Variants in CMTR1 observed in about 807,000 individuals in gnomAD.
CMTR1 encodes the protein cap methyltransferase 1.
CMTR1 carries 39 observed loss-of-function variants against 107.0 expected under a neutral mutation model. The observed-to-expected ratio is 0.36, with a 90% CI of 0.28 to 0.48. The LOEUF (loss-of-function observed/expected upper bound fraction) is 0.48. Ranked by LOEUF, CMTR1 falls within the 20% of genes least tolerant of loss-of-function variation. The pLI is 0.99. For missense variants in CMTR1, 672 were observed against 1,064.9 expected (o/e 0.63, Z 5.14); for synonymous variants, 366 against 379.5 (o/e 0.96, Z 0.41).
intron 8 of CMTR1, among the ~76,000 whole-genome samples, chr6:37,456,385 C>T (rs1581739441): frequency 6.6e-6 from 1 of 152,160 alleles, no homozygotes; most frequent in East Asian, 1.9e-4. Flanking sequence ...GGGGAAAGAA[C>T]GATTAAGACC....
intron 13 of CMTR1, among the ~76,000 whole-genome samples, chr6:37,469,331 G>A (rs181427418): frequency 1.7e-4 from 26 of 151,890 alleles, no homozygotes; most frequent in Non-Finnish European, 3.4e-4. Context: ...TATGTCATGT[G>A]TCTTTTTCCC....
chr6:37,477,050 AGTTCCAAAGACAT>A (rs1761753891), intron 20 of CMTR1, among the ~76,000 whole-genome samples: 1 of 152,220 alleles, frequency 6.6e-6, no homozygotes, highest in Non-Finnish European at 1.5e-5. Context: ...CCCCACTAGC[AGTTCCAAAGACAT>A]GTTCAGGGCC....
At chr6:37,428,008 CAGAGAGAGAGAGAGAGAGAGAG>C in the CMTR1 span, among the ~76,000 whole-genome samples, 1,353 of 114,864 alleles carry the variant, frequency 0.012, 27 homozygotes, top group African/African-American at 0.041. Context: ...GCAACAGAGA[CAGAGAGAGAGAGAGAGAGAGAG>C]AGAGAGAGAG....
chr6:37,462,759 G>GGGTTGGGGGAAAA (rs1729909140), intron 12 of CMTR1, 70 bp from the exon 13 acceptor site: 1 of 1,454,076 alleles, frequency 6.9e-7, no homozygotes, highest in South Asian at 1.2e-5. Context: ...ATTCCACAAG[G>GGGTTGGGGGAAAA]GGTTGGGGGA....
upstream of CMTR1, among the ~76,000 whole-genome samples, chr6:37,432,454 G>C (rs910512855): frequency 6.6e-6 from 1 of 152,210 alleles, no homozygotes; most frequent in African/African-American, 2.4e-5. Flanking sequence ...ATTCTGCCGA[G>C]AGGGGGTAAG....
the CMTR1 span, among the ~76,000 whole-genome samples, chr6:37,428,008 CAGAGAGAGAGAGAGAGAGAGAGAGAG>C: frequency 5.2e-5 from 6 of 114,768 alleles, no homozygotes; most frequent in South Asian, 6.9e-4. Flanking sequence ...GCAACAGAGA[CAGAGAGAGAGAGAGAGAGAGAGAGAG>C]AGAGAGAGAG....
intron 2 of CMTR1, among the ~76,000 whole-genome samples, chr6:37,439,758 C>T (rs149448293): frequency 1.8e-4 from 28 of 152,282 alleles, no homozygotes; most frequent in African/African-American, 6.5e-4. Flanking sequence ...TGGCCATTAG[C>T]GGTTGGAGCT....
chr6:37,446,788 G>A (rs556647892), intron 4 of CMTR1, among the ~76,000 whole-genome samples: 4 of 152,360 alleles, frequency 2.6e-5, no homozygotes, highest in South Asian at 4.1e-4. Flanking sequence ...GCTCTCTGCT[G>A]AAAGTGTTCA....
Position 37,475,384 on chromosome 6 carries a change from G to A in CMTR1, c.2008G>A (p.Asp670Asn), listed in dbSNP as rs1471058135. The change falls in exon 19 of 24, where the codon GAC becomes AAC. Residue 670 changes from aspartate (D) to asparagine (N), a missense_variant. This residue lies in a region of CMTR1 where 583 missense variants were observed against 968.4 expected (regional missense o/e 0.60). Coordinates refer to ENST00000373451, the MANE Select transcript of CMTR1 (RefSeq NM_015050.3). ...ILDVLVLNGT[D>N]VREQHFNQRI... ...CGATGTCCTTGTGCTGAATGGCACC[G>A]ACGTTCGGGAGCAGCACTTTAACCA... The A allele has an allele frequency of 2.5e-6, 4 of 1,613,216 alleles. No homozygotes were observed. The highest frequency in any genetic ancestry group is 1.3e-5 in the African/African-American group (1 of 74,900).
intron 21 of CMTR1, 51 bp from the exon 22 acceptor site, chr6:37,478,358 A>G (rs779936439): frequency 6.4e-6 from 9 of 1,408,006 alleles, no homozygotes; most frequent in Admixed American, 1.7e-5. Flanking sequence ...GACTAATTTT[A>G]TCAGCCAGGG....
rs1186759850 is a variant in CMTR1, at chr6:37,476,172, C to T, written c.2083C>T (p.Arg695Trp). The T allele has an allele frequency of 5.6e-6, 9 of 1,613,962 alleles. No homozygotes were observed. Among genetic ancestry groups the T allele is most frequent in the Non-Finnish European group, 5.1e-6 (6 of 1,180,004 alleles). The stretch of plus-strand genomic sequence containing the variant: ...TGTGAAAGCCGTTTCCAAGCCTAGT[C>T]GGCCCGACATGAATCCCATCAGGTG... The part of the protein sequence containing the change: ...KFVKAVSKPS[R>W]PDMNPIRVKE... The change falls in exon 20 of 24, where the codon CGG becomes TGG. Residue 695 changes from arginine (R) to tryptophan (W), a missense_variant. Physicochemically the swap from Arg to Trp is moderately radical, Grantham distance 101. Coordinates refer to ENST00000373451, the MANE Select transcript of CMTR1 (RefSeq NM_015050.3).
chr6:37,446,072 T>A (rs968772764), intron 3 of CMTR1, among the ~76,000 whole-genome samples: 1 of 152,234 alleles, frequency 6.6e-6, no homozygotes, highest in African/African-American at 2.4e-5. Flanking sequence ...ATCCAATTTC[T>A]GGTTGCCCTA....
At chr6:37,464,427 A>C (rs778467526) in intron 13 of CMTR1, among the ~76,000 whole-genome samples, 2 of 151,456 alleles carry the variant, frequency 1.3e-5, no homozygotes, top group African/African-American at 4.9e-5. Context: ...AGATCGCGCC[A>C]CTGCACTCCA....
chr6:37,476,127 A>G lies in CMTR1; in HGVS notation c.2038A>G (p.Ile680Val), dbSNP rs1361492696. 6.2e-7 allele frequency: 1 copy of G among 1,614,044 alleles called. No homozygotes were observed. ...TCAGAGAGACTGTTTGGATTGTAGA[A>G]TTCAGCTTGCCGAGAAATTTGTGAA... is the stretch of plus-strand genomic sequence containing the variant. Reference protein sequence around the residue: ...DVREQHFNQRIQLAEKFVKAV... With the variant: ...DVREQHFNQRVQLAEKFVKAV... The change falls in exon 20 of 24, where the codon ATT (isoleucine) becomes GTT (valine). Residue 680 changes from isoleucine to valine, a missense_variant and splice_region_variant. By Grantham distance (29) the Ile-to-Val change is conservative. Around this residue, in one of 2 missense-constraint regions of CMTR1, gnomAD observed 583 missense variants for 968.4 expected, o/e 0.60. Transcript: ENST00000373451.
At chr6:37,459,089 G>T (rs1186292208) in intron 9 of CMTR1, among the ~76,000 whole-genome samples, 3 of 152,238 alleles carry the variant, frequency 2.0e-5, no homozygotes, top group African/African-American at 7.2e-5. Flanking sequence ...AGGAGATAAT[G>T]AAACTGCCTG....
chr6:37,465,474 C>T (rs1250599331), intron 13 of CMTR1, among the ~76,000 whole-genome samples: 5 of 151,960 alleles, frequency 3.3e-5, no homozygotes, highest in African/African-American at 1.2e-4. Context: ...ATATTGAACC[C>T]CTTTTTATGT....
Position 37,473,550 on chromosome 6 carries a change from C to T in CMTR1, c.1770C>T (p.Asp590=). 2 of 1,614,164 alleles carry T rather than the reference C, an allele frequency of 1.2e-6. No homozygotes were observed. The highest frequency in any genetic ancestry group is 1.7e-6 in the Non-Finnish European group (2 of 1,180,018). Residue 590 remains aspartate, a synonymous_variant, in exon 17 of 24, where the codon GAC becomes GAT. Transcript: ENST00000373451. The part of the protein sequence containing the change: ...KTLEKIRPVF[D]YRCMVSGSEQ... Reference sequence around the variant, plus strand: ...TGGAGAAGATCCGCCCTGTGTTTGACTACCGCTGCATGGTATCTGGCAGTG... The same window carrying T: ...TGGAGAAGATCCGCCCTGTGTTTGATTACCGCTGCATGGTATCTGGCAGTG...
At chr6:37,471,973 C>A in intron 15 of CMTR1, 69 bp downstream of exon 15, 2 of 1,417,792 alleles carry the variant, frequency 1.4e-6, no homozygotes, top group Non-Finnish European at 2.0e-6. Context: ...GGTTGACTCC[C>A]AATCCTGTCA....
intron 10 of CMTR1, among the ~76,000 whole-genome samples, chr6:37,460,601 T>G (rs1761383703): frequency 6.6e-6 from 1 of 151,794 alleles, no homozygotes; most frequent in African/African-American, 2.4e-5. Context: ...TGGAAGACAC[T>G]CCTAAACATT....
Sources: gnomAD v4.1 joint callset for allele counts (sites outside exome capture counted in the v4.1 genomes callset) on GRCh38, gnomAD v4.1.1 for gene constraint, gnomAD v4.1.1 regional missense constraint, MANE v1.5 for transcripts, NCBI Gene and HGNC (gene_info 2026-07-23, HGNC 2026-07-21) for gene names.